Variants in SUMF2 observed in about 807,000 individuals in gnomAD.
The protein encoded by SUMF2 is sulfatase modifying factor 2, also known as inactive C-alpha-formylglycine-generating enzyme 2.
In SUMF2, 45 loss-of-function variants were observed where a neutral mutation model predicts 44.8. The observed-to-expected ratio is 1.00, with a 90% CI of 0.79 to 1.29. The LOEUF (loss-of-function observed/expected upper bound fraction) is 1.29. SUMF2 is among the 50% of genes most tolerant of loss of function. The pLI is 0.00. For missense variants in SUMF2, 418 were observed against 389.9 expected (o/e 1.07, Z -0.61); for synonymous variants, 148 against 150.4 (o/e 0.98, Z 0.12).
chr7:56,081,266 T>C, downstream of SUMF2: 1 of 1,612,324 alleles, frequency 6.2e-7, no homozygotes, highest in South Asian at 1.1e-5. The surrounding 1 kb of genome is among the most constrained non-coding windows in gnomAD (Gnocchi z 4.6). Flanking sequence ...TGGTAGTAGA[T>C]CCGCACTGAA....
chr7:56,074,889 G>C (rs1433414635), intron 5 of SUMF2, 153 bp downstream of exon 5: 11 of 923,390 alleles, frequency 1.2e-5, no homozygotes, highest in Non-Finnish European at 1.8e-5. Flanking sequence ...CTTGAGGCCA[G>C]GAGTAAAAGA....
chr7:56,073,945 G>A, intron 3 of SUMF2: 1 of 577,820 alleles, frequency 1.7e-6, no homozygotes. Context: ...AGTCCAGGAG[G>A]TTGAGACTGC....
chr7:56,081,119 G>A (rs774276446), downstream of SUMF2: 23 of 1,613,576 alleles, frequency 1.4e-5, no homozygotes, highest in South Asian at 4.4e-5. This position sits in a 1 kb window ranked among gnomAD's most constrained non-coding sequence, Gnocchi z 4.6. Flanking sequence ...AGGGCTGCCC[G>A]GTTCTGCTGC....
intron 2 of SUMF2, among the ~76,000 whole-genome samples, 177 bp from the exon 3 acceptor site, chr7:56,072,820 C>A (rs569192996): frequency 3.9e-5 from 6 of 152,162 alleles, no homozygotes; most frequent in African/African-American, 1.4e-4. Flanking sequence ...TATGTGAATT[C>A]GTTGTATTCT....
At chr7:56,074,803 A>G (rs924972158) in intron 5 of SUMF2, 67 bp downstream of exon 5, 17 of 1,590,214 alleles carry the variant, frequency 1.1e-5, no homozygotes, top group Non-Finnish European at 1.2e-5. Context: ...AGGGGCTTTA[A>G]AGGGTGGAAA....
Position 56,079,652 on chromosome 7 carries a change from A to G in SUMF2, c.*40A>G, listed in dbSNP as rs1000650644. ...ACAAGGAGAAAAGCCTTCTAGGGTC[A>G]CTGTCATTCCCTGGCCATGTTGCAA... On this transcript the variant is annotated 3_prime_UTR_variant, in exon 9 of 9. Transcript: ENST00000434526. The G allele has an allele frequency of 2.5e-6, 4 of 1,614,048 alleles. No homozygotes were observed. In the African/African-American group the frequency reaches 4.0e-5, roughly 16 times the overall value.
chr7:56,079,768 A>G lies in SUMF2; in HGVS notation c.*156A>G. ...CCCTCTGTGGCAGGCGCCTCTCACC[A>G]GGGCAGGAGAGGACTCAGCCTCCTG... On this transcript the variant is annotated 3_prime_UTR_variant, in exon 9 of 9. Coordinates refer to ENST00000434526, the MANE Select transcript of SUMF2 (RefSeq NM_015411.4). The G allele has an allele frequency of 6.4e-7, 1 of 1,557,990 alleles. No individual in the cohort carries two copies. The highest frequency in any genetic ancestry group is 8.7e-7 in the Non-Finnish European group (1 of 1,150,022).
the SUMF2 span, chr7:56,086,859 G>A: frequency 3.6e-6 from 3 of 837,308 alleles, no homozygotes; most frequent in Admixed American, 5.2e-5. Context: ...ATTGTATTTG[G>A]CATCCTCAGC....
chr7:56,083,783 A>G (rs922339341), downstream of SUMF2: 2 of 1,122,346 alleles, frequency 1.8e-6, no homozygotes. Flanking sequence ...CTGCTCCCAG[A>G]GAGCTGCCTT....
Position 56,064,397 on chromosome 7 carries a change from C to CATCG in SUMF2, c.67+22_67+23insGATC. 1 of 1,594,680 alleles carries CATCG rather than the reference C, an allele frequency of 6.3e-7. No individual in the cohort carries two copies. The highest frequency in any genetic ancestry group is 8.5e-7 in the Non-Finnish European group (1 of 1,171,224). On this transcript the variant is annotated intron_variant, in intron 1 of 8. Coordinates refer to ENST00000434526, the MANE Select transcript of SUMF2 (RefSeq NM_015411.4). ...AAGCTAGGTCAGTGAACCGGCCGTC[C>CATCG]ATCCTGGGGGCGCTGGGAAGGGGAT...
In SUMF2 at chr7:56,074,691, C is replaced by T. The variant is rs1584592306; in HGVS notation, c.490C>T (p.Pro164Ser). Residue 164 changes from proline to serine, a missense_variant, in exon 5 of 9, where the codon CCC (proline) becomes TCC (serine). By Grantham distance (74) the Pro-to-Ser change is moderately conservative. Transcript: ENST00000434526. ...CTGTGCTTGGCGGGGAAAACGACTGCCCACGGAGGAAGAGTGGGAGTTTGC... is the reference window on the plus strand; with the variant it reads ...CTGTGCTTGGCGGGGAAAACGACTGTCCACGGAGGAAGAGTGGGAGTTTGC... ...AYCAWRGKRL[P>S]TEEEWEFAAR... 1 of 1,614,112 alleles carries T rather than the reference C, an allele frequency of 6.2e-7. No homozygotes were observed. The highest frequency in any genetic ancestry group is 8.5e-7 in the Non-Finnish European group (1 of 1,180,016).
chr7:56,074,637 C>T lies in SUMF2; in HGVS notation c.436C>T (p.His146Tyr). The T allele has an allele frequency of 1.2e-6, 2 of 1,614,202 alleles. No homozygotes were observed. The highest frequency in any genetic ancestry group is 1.7e-6 in the Non-Finnish European group (2 of 1,180,040). Residue 146 changes from histidine (H) to tyrosine (Y), a missense_variant, in exon 5 of 9, where the codon CAC becomes TAC. By Grantham distance (83) the His-to-Tyr change is moderately conservative. Transcript: ENST00000434526. ...IRERLEHPVL[H>Y]VSWNDARAYC... Reference sequence around the variant, plus strand: ...AGAGAGACTGGAGCACCCAGTGTTACACGTGAGCTGGAATGACGCCCGTGC... The same window carrying T: ...AGAGAGACTGGAGCACCCAGTGTTATACGTGAGCTGGAATGACGCCCGTGC...
rs541211198 is a variant in SUMF2 at position 56,064,297 on chromosome 7, A to C, written c.-15A>C. 7.0e-6 allele frequency: 11 copies of C among 1,581,546 alleles called. No homozygotes were observed. The African/African-American group carries it at 1.2e-4, about 17-fold the overall frequency. On this transcript the variant is annotated 5_prime_UTR_variant, in exon 1 of 9. Coordinates refer to ENST00000434526, the MANE Select transcript of SUMF2 (RefSeq NM_015411.4). The stretch of plus-strand genomic sequence containing the variant: ...GCGGGGCCGTGGGTGTACGCGGCGC[A>C]GCGCGGCAGTCCTGATGGCCCGGCA...
chr7:56,073,029 A>G lies in SUMF2; in HGVS notation c.257A>G (p.Glu86Gly). Residue 86 changes from glutamate to glycine, a missense_variant, in exon 3 of 9, where the codon GAA becomes GGA. Coordinates refer to ENST00000434526, the MANE Select transcript of SUMF2 (RefSeq NM_015411.4). ...GTCAGGGAGAAAAAGTATCGGACAG[A>G]AGCTGAGATGTTTGGATGGAGCTTT... ...DFVREKKYRT[E>G]AEMFGWSFVF... The G allele has an allele frequency of 1.2e-6, 2 of 1,614,168 alleles. No individual in the cohort carries two copies. The highest frequency in any genetic ancestry group is 2.2e-5 in the South Asian group (2 of 91,082).
At chr7:56,081,018 C>T (rs761459471), downstream of SUMF2, 11 of 1,608,134 alleles carry the variant, frequency 6.8e-6, no homozygotes, top group African/African-American at 8.0e-5. The surrounding 1 kb of genome is among the most constrained non-coding windows in gnomAD (Gnocchi z 4.6). Context: ...TTCCCCTCCC[C>T]ACCTGCCCCC....
intron 5 of SUMF2, 116 bp downstream of exon 5, chr7:56,074,852 C>T: frequency 3.1e-6 from 4 of 1,306,356 alleles, no homozygotes. Context: ...AATCCCAACA[C>T]TTTGGGAGGC....
chr7:56,074,014 C>CAAA lies in SUMF2; in HGVS notation c.340-132_340-130dup, dbSNP rs56927689. 2.2e-3 allele frequency: 699 copies of CAAA among 320,554 alleles called. 3 individuals are homozygous for CAAA. Among genetic ancestry groups the CAAA allele is most frequent in the South Asian group, 3.9e-3 (171 of 43,938 alleles). The allele number at this position is 320,554 out of a possible 1,614,324, so 19.9% of individuals were successfully genotyped here. ...TGAGTGACAGAGCAAGATCTTGTCT[C>CAAA]AAAAAAAAAAAAAAAAAAAAAAAAA... On this transcript the variant is annotated intron_variant, in intron 3 of 8. Coordinates refer to ENST00000434526, the MANE Select transcript of SUMF2 (RefSeq NM_015411.4).
chr7:56,083,373 AGGT>A (rs1021754301), downstream of SUMF2: 2 of 1,614,160 alleles, frequency 1.2e-6, no homozygotes, highest in Non-Finnish European at 1.7e-6. Flanking sequence ...CTCGGGCTTC[AGGT>A]CCCGGTGCAC....
intron 5 of SUMF2, 61 bp downstream of exon 5, chr7:56,074,797 G>T (rs1795430570): frequency 1.9e-6 from 3 of 1,599,666 alleles, no homozygotes; most frequent in Non-Finnish European, 2.6e-6. Flanking sequence ...AGCATGAGGG[G>T]CTTTAAAGGG....
Sources: allele counts gnomAD v4.1 joint callset (sites outside exome capture counted in the v4.1 genomes callset), GRCh38; gene constraint gnomAD v4.1.1; non-coding constraint Gnocchi (gnomAD v3.1); transcripts MANE v1.5; gene names NCBI Gene and HGNC (gene_info 2026-07-23, HGNC 2026-07-21).